NELL1: variants seen among roughly 807,000 people sequenced by gnomAD.
NELL1 encodes the protein neural EGFL like 1, also known as protein kinase C-binding protein NELL1.
A neutral mutation model predicts 107.4 loss-of-function variants in NELL1; 76 were observed. That is an observed-to-expected ratio of 0.71 (90% CI 0.59 to 0.86). The LOEUF is 0.86. Among genes scored for constraint, NELL1 ranks in the 40% least tolerant of loss-of-function variants. The probability of loss-of-function intolerance (pLI) is 0.00; values close to 1 mark genes in which losing one functional copy is unlikely to be tolerated. For synonymous variants in NELL1, 353 were observed against 341.2 expected (o/e 1.03, Z -0.38); for missense variants, 1,024 against 1,005.5 (o/e 1.02, Z -0.25).
chr11:21,217,222 G>A (rs570343092), intron 13 of NELL1, among the ~76,000 whole-genome samples: 3 of 152,260 alleles, frequency 2.0e-5, no homozygotes, highest in East Asian at 1.9e-4. Flanking sequence ...CCTGAGCCAC[G>A]TTTAACTGTG....
intron 5 of NELL1, among the ~76,000 whole-genome samples, chr11:20,914,913 T>A (rs1242832088): frequency 6.6e-6 from 1 of 152,034 alleles, no homozygotes; most frequent in Non-Finnish European, 1.5e-5. Flanking sequence ...TTCAACCTCT[T>A]CCAAAATTCT....
At chr11:20,883,834 G>T (rs757938195) in intron 4 of NELL1, among the ~76,000 whole-genome samples, 4 of 152,038 alleles carry the variant, frequency 2.6e-5, no homozygotes, top group African/African-American at 7.3e-5. Context: ...TTGTAAATTT[G>T]CCTTGTGTCT....
chr11:21,506,757 C>A (rs11607889), intron 15 of NELL1, among the ~76,000 whole-genome samples: 1 of 152,032 alleles, frequency 6.6e-6, no homozygotes, highest in African/African-American at 2.4e-5. Flanking sequence ...GCATATGACC[C>A]TCTCCTTTAT....
chr11:21,218,084 A>AT (rs1248947637), intron 13 of NELL1, among the ~76,000 whole-genome samples: 6 of 152,144 alleles, frequency 3.9e-5, no homozygotes, highest in Admixed American at 1.3e-4. Flanking sequence ...GACAATCATC[A>AT]TTTTTTGTCC....
intron 5 of NELL1, among the ~76,000 whole-genome samples, chr11:20,893,328 T>C (rs1849657118): frequency 6.6e-6 from 1 of 150,452 alleles, no homozygotes; most frequent in Admixed American, 6.6e-5. Context: ...ATGACACATG[T>C]CCTATGTCAC....
At chr11:21,146,944 T>G (rs985882938) in intron 13 of NELL1, among the ~76,000 whole-genome samples, 2 of 152,116 alleles carry the variant, frequency 1.3e-5, no homozygotes, top group African/African-American at 4.8e-5. Flanking sequence ...CTTGGGAGGC[T>G]GAGACAGGAG....
At chr11:21,032,788 T>C (rs1481121332) in intron 12 of NELL1, among the ~76,000 whole-genome samples, 1 of 152,232 alleles carries the variant, frequency 6.6e-6, no homozygotes, top group Non-Finnish European at 1.5e-5. Context: ...TCAATTGTTA[T>C]TTATATTATT....
At chr11:21,065,304 G>C (rs765337727) in intron 12 of NELL1, among the ~76,000 whole-genome samples, 12 of 152,044 alleles carry the variant, frequency 7.9e-5, no homozygotes, top group Non-Finnish European at 1.0e-4. Flanking sequence ...CCATGTCCTA[G>C]GGTTTGTTAT....
chr11:21,229,088 C>G (rs1590752973), intron 13 of NELL1, among the ~76,000 whole-genome samples: 1 of 152,042 alleles, frequency 6.6e-6, no homozygotes, highest in Admixed American at 6.5e-5. Context: ...GCAGCACTTA[C>G]CAATTGTGTG....
chr11:21,437,825 G>T (rs1409182720), intron 15 of NELL1, among the ~76,000 whole-genome samples: 1 of 151,898 alleles, frequency 6.6e-6, no homozygotes, highest in African/African-American at 2.4e-5. Context: ...AGCATATTTG[G>T]GTCTTTTTTT....
intron 14 of NELL1, among the ~76,000 whole-genome samples, chr11:21,352,745 G>A (rs1850847075): frequency 6.6e-6 from 1 of 152,096 alleles, no homozygotes; most frequent in Non-Finnish European, 1.5e-5. Flanking sequence ...TCTTACGTGA[G>A]CTCTCTTGTC....
At chr11:21,052,397 C>T (rs530650314) in intron 12 of NELL1, among the ~76,000 whole-genome samples, 1 of 152,028 alleles carries the variant, frequency 6.6e-6, no homozygotes, top group Admixed American at 6.6e-5. Context: ...ACTTAGGAGG[C>T]TCCTAGAAAA....
chr11:20,919,710 C>T (rs2134161306), intron 7 of NELL1, among the ~76,000 whole-genome samples: 1 of 152,172 alleles, frequency 6.6e-6, no homozygotes, highest in South Asian at 2.1e-4. Flanking sequence ...GAATAATTGC[C>T]AGTAATCGGA....
chr11:20,901,368 T>C (rs1590396763), intron 5 of NELL1, among the ~76,000 whole-genome samples: 1 of 151,950 alleles, frequency 6.6e-6, no homozygotes, highest in Non-Finnish European at 1.5e-5. Flanking sequence ...GTGAATCAAA[T>C]AGGAACAAAT....
At chr11:21,027,571 C>T (rs1852845291) in intron 12 of NELL1, among the ~76,000 whole-genome samples, 2 of 152,018 alleles carry the variant, frequency 1.3e-5, no homozygotes, top group African/African-American at 4.8e-5. Flanking sequence ...TTTTTCTTCA[C>T]TGCAGGTATC....
intron 3 of NELL1, among the ~76,000 whole-genome samples, chr11:20,841,735 C>T (rs1335501936): frequency 2.6e-5 from 4 of 152,000 alleles, no homozygotes; most frequent in Non-Finnish European, 1.5e-5. Context: ...GGTTATAGGC[C>T]TCATCTTTTC....
intron 15 of NELL1, among the ~76,000 whole-genome samples, chr11:21,405,961 C>T (rs1041608389): frequency 1.3e-5 from 2 of 151,916 alleles, no homozygotes; most frequent in African/African-American, 2.4e-5. Context: ...ATTCTGATTT[C>T]CAGGGATTTA....
chr11:21,065,153 G>A (rs1283624222), intron 12 of NELL1, among the ~76,000 whole-genome samples: 5 of 151,644 alleles, frequency 3.3e-5, no homozygotes, highest in Non-Finnish European at 5.9e-5. Context: ...AAACCTTATA[G>A]GCTCATAAGC....
chr11:21,113,497 G>A (rs898428570), intron 12 of NELL1, 92 bp from the exon 13 acceptor site: 2 of 1,302,508 alleles, frequency 1.5e-6, no homozygotes, highest in African/African-American at 1.5e-5. Flanking sequence ...GGCTTCTATG[G>A]ACATTTATCT....
Sources: gnomAD v4.1 joint callset for allele counts (sites outside exome capture counted in the v4.1 genomes callset) on GRCh38, gnomAD v4.1.1 for gene constraint, MANE v1.5 for transcripts, NCBI Gene and HGNC (gene_info 2026-07-23, HGNC 2026-07-21) for gene names.